Variants in AUTS2 observed in about 807,000 individuals in gnomAD.
AUTS2 encodes the protein autism susceptibility gene 2 protein.
A neutral mutation model predicts 112.4 loss-of-function variants in AUTS2; 17 were observed. The ratio of observed to expected loss-of-function variants is 0.15; its 90% CI spans 0.10 to 0.23. AUTS2 has a LOEUF of 0.23. Among genes scored for constraint, AUTS2 ranks in the 10% least tolerant of loss-of-function variants. AUTS2 has a pLI of 1.00. For synonymous variants in AUTS2, 751 were observed against 702.7 expected (o/e 1.07, Z -1.09); for missense variants, 1,510 against 1,701.6 (o/e 0.89, Z 1.98).
intron 5 of AUTS2, among the ~76,000 whole-genome samples, chr7:70,482,258 G>GC (rs1797819462): frequency 6.6e-6 from 1 of 152,044 alleles, no homozygotes; most frequent in South Asian, 2.1e-4. Context: ...CTCACATAAG[G>GC]CCCCCATAGT....
intron 2 of AUTS2, among the ~76,000 whole-genome samples, chr7:70,000,543 A>G (rs1393163246): frequency 6.6e-6 from 1 of 152,160 alleles, no homozygotes; most frequent in African/African-American, 2.4e-5. Context: ...TTGATTGTTT[A>G]CCTTCTCCTT....
chr7:70,320,819 G>C (rs1790218455), intron 4 of AUTS2, among the ~76,000 whole-genome samples: 1 of 152,176 alleles, frequency 6.6e-6, no homozygotes, highest in African/African-American at 2.4e-5. Context: ...CAGGAGCAGG[G>C]AGAGGCTGTG....
chr7:69,614,340 C>CT (rs776256647), intron 1 of AUTS2, among the ~76,000 whole-genome samples: 52 of 60,542 alleles, frequency 8.6e-4, no homozygotes, highest in Middle Eastern at 0.018. Flanking sequence ...TTCTTTCTTT[C>CT]TTTCTTTCTT....
intron 3 of AUTS2, among the ~76,000 whole-genome samples, chr7:70,131,140 C>T (rs1018806047): frequency 3.3e-5 from 5 of 152,082 alleles, no homozygotes; most frequent in Non-Finnish European, 7.4e-5. Context: ...AAATGGAAGT[C>T]CTCCCTTCTT....
intron 2 of AUTS2, among the ~76,000 whole-genome samples, chr7:69,977,856 C>T (rs1353729136): frequency 6.6e-6 from 1 of 152,144 alleles, no homozygotes; most frequent in African/African-American, 2.4e-5. Flanking sequence ...GGAGAACTCA[C>T]CACCATGTCA....
rs1399234082 is a variant in AUTS2 at position 70,124,592 on chromosome 7, C to T, written c.624+6359C>T. Among the ~76,000 whole-genome samples the T allele has an allele frequency of 1.3e-5, 2 of 149,866 alleles. 1 individual carries two copies. Among genetic ancestry groups the T allele is most frequent in the Admixed American group, 1.3e-4 (2 of 15,000 alleles). On this transcript the variant is annotated intron_variant, in intron 3 of 18. Transcript: ENST00000342771. Reference sequence around the variant, plus strand: ...TTTTTTTTCTTTTCTGAGATGGTGTCTCGCTCCGTCACCAGGTTGGAATGC... The same window carrying T: ...TTTTTTTTCTTTTCTGAGATGGTGTTTCGCTCCGTCACCAGGTTGGAATGC...
chr7:70,681,801 G>A (rs994134881), intron 5 of AUTS2, among the ~76,000 whole-genome samples: 1 of 152,098 alleles, frequency 6.6e-6, no homozygotes, highest in Non-Finnish European at 1.5e-5. Flanking sequence ...GGGAACGGGG[G>A]CTCCACCTCC....
At chr7:70,118,442 G>T in intron 3 of AUTS2, 1 of 571,712 alleles carries the variant, frequency 1.7e-6, no homozygotes, top group Non-Finnish European at 2.7e-6. Context: ...GAGCAAAAAT[G>T]TATTTTGACA....
At chr7:70,304,717 CTTTTT>C (rs11464532) in intron 4 of AUTS2, among the ~76,000 whole-genome samples, 10 of 101,314 alleles carry the variant, frequency 9.9e-5, no homozygotes, top group East Asian at 3.2e-4. Flanking sequence ...GGATTTTTAA[CTTTTT>C]TTTTTTTTTT....
chr7:70,147,798 C>T (rs1807210758), intron 4 of AUTS2, among the ~76,000 whole-genome samples: 1 of 152,014 alleles, frequency 6.6e-6, no homozygotes, highest in African/African-American at 2.4e-5. Context: ...ACCCAAGAAT[C>T]ACGGAAAGGA....
At chr7:69,915,868 AG>A (rs2129542291) in intron 2 of AUTS2, among the ~76,000 whole-genome samples, 2 of 152,272 alleles carry the variant, frequency 1.3e-5, no homozygotes, top group East Asian at 3.9e-4. Flanking sequence ...CTGGGACTAC[AG>A]GCGCACACCA....
intron 5 of AUTS2, among the ~76,000 whole-genome samples, chr7:70,483,221 C>T (rs114589386): frequency 0.016 from 2,130 of 131,220 alleles, 57 homozygotes; most frequent in African/African-American, 0.056. Flanking sequence ...AGTTTATCTC[C>T]AAGGGTCAAG....
chr7:70,790,401 C>T lies in AUTS2; in HGVS notation c.3185C>T (p.Pro1062Leu), dbSNP rs1449385103. ...CCCCTCCCGGGCGGAGAGCGCTTCC[C>T]GTACCCTTCTTTCCACTGGGACCCC... ...ISPLPGGERF[P>L]YPSFHWDPIR... The change falls in exon 19 of 19, where the codon CCG (proline) becomes CTG (leucine). Residue 1062 changes from proline (P) to leucine (L), a missense_variant. Physicochemically the swap from Pro to Leu is moderately conservative, Grantham distance 98. Around this residue, in one of 3 missense-constraint regions of AUTS2, gnomAD observed 788 missense variants for 797.6 expected, o/e 0.99. Transcript: ENST00000342771. The surrounding 1 kb of genome is among the most constrained non-coding windows in gnomAD (Gnocchi z 7.6). 2.5e-6 allele frequency: 4 copies of T among 1,613,532 alleles called. No individual in the cohort carries two copies. The highest frequency in any genetic ancestry group is 3.4e-6 in the Non-Finnish European group (4 of 1,179,836).
In AUTS2 at chr7:70,464,352, G is replaced by A. The variant is rs552695584; in HGVS notation, c.690+28571G>A. On this transcript the variant is annotated intron_variant, in intron 5 of 18. Coordinates refer to ENST00000342771, the MANE Select transcript of AUTS2 (RefSeq NM_015570.4). ...GCATCCCCAAGTCACTCAGAGCAAC[G>A]TACAATCAAGTACAAGAATGTGTGA... 4.6e-5 allele frequency among the ~76,000 whole-genome samples: 7 copies of A among 152,326 alleles called. No homozygotes were observed. The East Asian group carries it at 1.4e-3, about 29-fold the overall frequency.
intron 4 of AUTS2, among the ~76,000 whole-genome samples, chr7:70,171,191 G>A (rs1808666504): frequency 6.6e-6 from 1 of 152,168 alleles, no homozygotes; most frequent in Non-Finnish European, 1.5e-5. Flanking sequence ...TGGAAAGTTA[G>A]TACTCTATTG....
At chr7:70,607,453 G>C (rs1023707045) in intron 5 of AUTS2, among the ~76,000 whole-genome samples, 2 of 152,284 alleles carry the variant, frequency 1.3e-5, no homozygotes, top group Non-Finnish European at 2.9e-5. Context: ...TGTTGGAAAA[G>C]TCAAGTCTAG....
At chr7:70,391,153 A>G (rs1793836467) in intron 4 of AUTS2, among the ~76,000 whole-genome samples, 1 of 152,208 alleles carries the variant, frequency 6.6e-6, no homozygotes. Flanking sequence ...GTACCTTCTT[A>G]CAGCGCCTCA....
chr7:70,613,838 G>T (rs1326203384), intron 5 of AUTS2, among the ~76,000 whole-genome samples: 1 of 152,244 alleles, frequency 6.6e-6, no homozygotes, highest in Admixed American at 6.5e-5. Flanking sequence ...AATCACTCTT[G>T]TGGTCAAATT....
At chr7:70,206,921 T>C (rs1810604593) in intron 4 of AUTS2, among the ~76,000 whole-genome samples, 1 of 152,206 alleles carries the variant, frequency 6.6e-6, no homozygotes, top group African/African-American at 2.4e-5. Context: ...TTTCCTTTGT[T>C]TTACCCAATG....
Sources: gnomAD v4.1 joint callset for allele counts (sites outside exome capture counted in the v4.1 genomes callset) on GRCh38, gnomAD v4.1.1 for gene constraint, gnomAD v4.1.1 regional missense constraint, Gnocchi (gnomAD v3.1) non-coding constraint, MANE v1.5 for transcripts, NCBI Gene and HGNC (gene_info 2026-07-23, HGNC 2026-07-21) for gene names.